The following LRP1B variants were observed in gnomAD, a reference collection of about 807,000 sequenced individuals.
LRP1B encodes low-density lipoprotein receptor-related protein 1B.
Under a neutral mutation model 556.6 loss-of-function variants are expected in LRP1B, and 217 were observed. That is an observed-to-expected ratio of 0.39 (90% CI 0.35 to 0.44). LRP1B has a LOEUF of 0.44. LRP1B is among the 20% of genes least tolerant of loss of function. The probability of loss-of-function intolerance (pLI) is 1.00; values close to 1 mark genes in which losing one functional copy is unlikely to be tolerated. For synonymous variants in LRP1B, 2,047 were observed against 1,865.8 expected, an observed-to-expected ratio of 1.10 and a Z score of -2.50; for missense variants, 5,053 against 5,620.8, an observed-to-expected ratio of 0.90 and a Z score of 3.23.
chr2:141,815,109 CAAG>C lies in LRP1B; in HGVS notation c.83-4711_83-4709del, dbSNP rs570397994. ...ACTAGAGGAAGAGAGACTAGAGGCC[CAAG>C]AAGAAGGTGAAAGTAGAGCTATGTG... On this transcript the variant is annotated intron_variant, in intron 1 of 90. Transcript: ENST00000389484. 1.3e-3 allele frequency among the ~76,000 whole-genome samples: 205 copies of C among 152,040 alleles called. 1 individual carries two copies. The highest frequency in any genetic ancestry group is 4.6e-3 in the African/African-American group (192 of 41,438).
At chr2:142,022,624 T>C (rs74269571) in intron 1 of LRP1B, among the ~76,000 whole-genome samples, 10,593 of 152,118 alleles carry the variant, frequency 0.07, 456 homozygotes, top group East Asian at 0.17. Context: ...ACAAATCTCA[T>C]TACTTTTATT....
intron 41 of LRP1B, among the ~76,000 whole-genome samples, chr2:140,642,051 G>C (rs924765955): frequency 6.6e-6 from 1 of 152,142 alleles, no homozygotes; most frequent in African/African-American, 2.4e-5. Flanking sequence ...TTCTGACAAG[G>C]GAGGTGAGTG....
chr2:142,053,611 A>G (rs1446570702), intron 1 of LRP1B, among the ~76,000 whole-genome samples: 6 of 152,196 alleles, frequency 3.9e-5, no homozygotes, highest in African/African-American at 1.4e-4. Flanking sequence ...GTAGGACTGC[A>G]GATCCTCATT....
chr2:140,337,435 C>T (rs1681157232), intron 77 of LRP1B, among the ~76,000 whole-genome samples: 2 of 151,792 alleles, frequency 1.3e-5, no homozygotes, highest in African/African-American at 4.8e-5. Flanking sequence ...AATATTTGTC[C>T]TAGCCAAACC....
At chr2:141,050,076 G>A (rs1698991010) in intron 10 of LRP1B, among the ~76,000 whole-genome samples, 1 of 151,448 alleles carries the variant, frequency 6.6e-6, no homozygotes, top group African/African-American at 2.4e-5. Context: ...TTATATACAA[G>A]GAAAAACATA....
chr2:140,292,929 T>C (rs1683450399), intron 84 of LRP1B, among the ~76,000 whole-genome samples: 1 of 152,156 alleles, frequency 6.6e-6, no homozygotes, highest in African/African-American at 2.4e-5. Context: ...TGATAGTCTG[T>C]GGTTCTAATA....
At chr2:141,553,651 T>C (rs1685835921) in intron 2 of LRP1B, among the ~76,000 whole-genome samples, 1 of 145,578 alleles carries the variant, frequency 6.9e-6, no homozygotes, top group South Asian at 2.1e-4. Flanking sequence ...ATATATAATA[T>C]ATAATTTTAT....
intron 7 of LRP1B, among the ~76,000 whole-genome samples, chr2:141,175,285 T>G (rs1680685980): frequency 6.6e-6 from 1 of 151,994 alleles, no homozygotes; most frequent in African/African-American, 2.4e-5. Flanking sequence ...TTTGCATAAG[T>G]AAAGAGGAGC....
At chr2:141,339,224 A>G (rs2105511853) in intron 3 of LRP1B, among the ~76,000 whole-genome samples, 1 of 149,578 alleles carries the variant, frequency 6.7e-6, no homozygotes, top group East Asian at 2.0e-4. Flanking sequence ...TTTTTTCCCT[A>G]ATTAGATTAT....
At chr2:140,774,574 T>C (rs184897237) in intron 33 of LRP1B, among the ~76,000 whole-genome samples, 3 of 152,072 alleles carry the variant, frequency 2.0e-5, no homozygotes, top group South Asian at 2.1e-4. Flanking sequence ...ACACCTTCCC[T>C]CTCTCTGTCA....
chr2:141,092,401 CTTA>C (rs1700191572), intron 7 of LRP1B, among the ~76,000 whole-genome samples: 1 of 152,112 alleles, frequency 6.6e-6, no homozygotes, highest in Non-Finnish European at 1.5e-5. Flanking sequence ...CCAATTTGGA[CTTA>C]TTAAGTTTGT....
intron 7 of LRP1B, among the ~76,000 whole-genome samples, chr2:141,108,505 T>C (rs1424016160): frequency 1.3e-5 from 2 of 151,806 alleles, no homozygotes; most frequent in African/African-American, 4.8e-5. Context: ...CCTGCCACCA[T>C]GCCCAGCTAA....
Position 141,557,834 on chromosome 2 carries a change from A to G in LRP1B, c.206-77301T>C, listed in dbSNP as rs1389655085. Among the ~76,000 whole-genome samples, 3 of 151,894 alleles carry G rather than the reference A, an allele frequency of 2.0e-5. No individual in the cohort carries two copies. The East Asian group carries it at 5.8e-4, about 29-fold the overall frequency. Reference sequence around the variant, plus strand: ...TGGTAGCTGTGTCTATACCATAACTAATATGTAAATAGGGACCTACATGTG... The same window carrying G: ...TGGTAGCTGTGTCTATACCATAACTGATATGTAAATAGGGACCTACATGTG... On this transcript the variant is annotated intron_variant, in intron 2 of 90. Transcript: ENST00000389484.
chr2:140,610,832 A>G (rs1466305114), intron 41 of LRP1B, among the ~76,000 whole-genome samples: 1 of 152,160 alleles, frequency 6.6e-6, no homozygotes, highest in Non-Finnish European at 1.5e-5. Context: ...CGGCCTCCCA[A>G]TGTGCCGGGA....
At chr2:141,991,915 C>T (rs1247655999) in intron 1 of LRP1B, among the ~76,000 whole-genome samples, 1 of 152,058 alleles carries the variant, frequency 6.6e-6, no homozygotes, top group African/African-American at 2.4e-5. Context: ...AGAAGAGTGA[C>T]ACTCTATAGT....
At chr2:140,725,071 A>G (rs1687544296) in intron 35 of LRP1B, among the ~76,000 whole-genome samples, 1 of 152,200 alleles carries the variant, frequency 6.6e-6, no homozygotes, top group African/African-American at 2.4e-5. Flanking sequence ...TATCTAACAT[A>G]ATGATTTCTT....
chr2:141,563,138 T>C (rs1686221229), intron 2 of LRP1B, among the ~76,000 whole-genome samples: 1 of 151,950 alleles, frequency 6.6e-6, no homozygotes, highest in African/African-American at 2.4e-5. Context: ...ATAAAACCAG[T>C]GTCATTTACA....
chr2:141,398,179 C>G (rs1690313212), intron 3 of LRP1B, among the ~76,000 whole-genome samples: 3 of 152,040 alleles, frequency 2.0e-5, no homozygotes, highest in Admixed American at 2.0e-4. Context: ...TTAAGAGTGA[C>G]AAATGACTTC....
chr2:141,153,870 C>T (rs1558897027), intron 7 of LRP1B, among the ~76,000 whole-genome samples: 1 of 151,012 alleles, frequency 6.6e-6, no homozygotes, highest in African/African-American at 2.4e-5. Flanking sequence ...TAAAAAGAAC[C>T]AGAAACTTCT....
Sources: allele counts gnomAD v4.1 joint callset (sites outside exome capture counted in the v4.1 genomes callset), GRCh38; gene constraint gnomAD v4.1.1; transcripts MANE v1.5; gene names NCBI Gene and HGNC (gene_info 2026-07-23, HGNC 2026-07-21).